Variants in ADRA1B observed in about 807,000 individuals in gnomAD.
ADRA1B encodes adrenoceptor alpha 1B, also known as alpha-1B adrenergic receptor.
A neutral mutation model predicts 17.9 loss-of-function variants in ADRA1B; 17 were observed. The observed-to-expected ratio is 0.95, with a 90% confidence interval of 0.65 to 1.42. ADRA1B has a LOEUF of 1.42. Ranked by LOEUF, ADRA1B falls within the 40% of genes most tolerant of loss-of-function variation. The pLI is 0.00. For missense variants in ADRA1B, 681 were observed against 722.1 expected (o/e 0.94, Z 0.65); for synonymous variants, 366 against 327.6 (o/e 1.12, Z -1.27).
At chr5:159,953,579 AAT>A (rs1755491621) in intron 1 of ADRA1B, among the ~76,000 whole-genome samples, 1 of 152,138 alleles carries the variant, frequency 6.6e-6, no homozygotes, top group Admixed American at 6.5e-5. Context: ...TCGGGCCTCA[AAT>A]TGAAGCCTGT....
chr5:159,882,231 T>C (rs1424958445), intron 1 of ADRA1B, among the ~76,000 whole-genome samples: 2 of 152,178 alleles, frequency 1.3e-5, no homozygotes, highest in Non-Finnish European at 2.9e-5. Context: ...TCTAGCCATG[T>C]AGTCATCAAA....
At chr5:159,933,120 G>A (rs1754859372) in intron 1 of ADRA1B, among the ~76,000 whole-genome samples, 1 of 152,176 alleles carries the variant, frequency 6.6e-6, no homozygotes, top group Non-Finnish European at 1.5e-5. Context: ...ACTAAGAGCT[G>A]TTATCAAACT....
chr5:159,925,304 C>A (rs889413565), intron 1 of ADRA1B, among the ~76,000 whole-genome samples: 7 of 152,178 alleles, frequency 4.6e-5, no homozygotes, highest in Non-Finnish European at 1.0e-4. Context: ...ATAATTGGGT[C>A]GTTCCTCTAG....
intron 1 of ADRA1B, among the ~76,000 whole-genome samples, chr5:159,963,302 A>ATG (rs1279838050): frequency 8.6e-5 from 13 of 150,416 alleles, no homozygotes; most frequent in East Asian, 7.8e-4. Flanking sequence ...ATATATATAT[A>ATG]TATATATCCA....
intron 1 of ADRA1B, among the ~76,000 whole-genome samples, chr5:159,877,193 CT>C (rs1753813093): frequency 6.6e-6 from 1 of 152,172 alleles, no homozygotes; most frequent in African/African-American, 2.4e-5. Context: ...CTGAAAAACA[CT>C]TAGCAAATAA....
the ADRA1B span, among the ~76,000 whole-genome samples, chr5:159,987,182 T>A: frequency 6.6e-6 from 1 of 152,240 alleles, no homozygotes; most frequent in Non-Finnish European, 1.5e-5. Context: ...ATCATGCCTT[T>A]TAAATCACGC....
At chr5:159,907,957 A>G (rs1418138921) in intron 1 of ADRA1B, among the ~76,000 whole-genome samples, 1 of 145,306 alleles carries the variant, frequency 6.9e-6, no homozygotes, top group African/African-American at 2.5e-5. Context: ...TCTCTCTGTC[A>G]CACACACACA....
At chr5:159,910,909 T>C (rs1754220641) in intron 1 of ADRA1B, among the ~76,000 whole-genome samples, 1 of 152,210 alleles carries the variant, frequency 6.6e-6, no homozygotes, top group African/African-American at 2.4e-5. Context: ...CTTTGTCTTT[T>C]GTTTTTTGCA....
the ADRA1B span, among the ~76,000 whole-genome samples, chr5:159,984,160 G>A: frequency 3.3e-4 from 50 of 151,988 alleles, no homozygotes; most frequent in African/African-American, 1.2e-3. Flanking sequence ...AGGTTTCTAG[G>A]ACTCAGTCCT....
chr5:159,957,949 AAAAG>A (rs1561608208), intron 1 of ADRA1B, among the ~76,000 whole-genome samples: 3 of 128,974 alleles, frequency 2.3e-5, no homozygotes, highest in African/African-American at 6.0e-5. Flanking sequence ...AAAAAAAAAA[AAAAG>A]AAAAGAAAAA....
chr5:159,923,800 T>C (rs1754561320), intron 1 of ADRA1B, among the ~76,000 whole-genome samples: 1 of 152,262 alleles, frequency 6.6e-6, no homozygotes, highest in South Asian at 2.1e-4. Flanking sequence ...GATTCTCTCC[T>C]TGTAGTGCCA....
intron 1 of ADRA1B, among the ~76,000 whole-genome samples, chr5:159,931,428 C>T (rs955083132): frequency 1.3e-5 from 2 of 152,026 alleles, no homozygotes; most frequent in East Asian, 1.9e-4. Flanking sequence ...TGACTTCAGC[C>T]CTTTCCTCTG....
intron 1 of ADRA1B, chr5:159,948,562 G>A (rs13160316): frequency 0.14 from 112,543 of 782,134 alleles, 8,425 homozygotes; most frequent in Non-Finnish European, 0.16. Flanking sequence ...AAAAAAGATA[G>A]TAAAAAGCCA....
intron 1 of ADRA1B, among the ~76,000 whole-genome samples, chr5:159,921,530 G>A (rs1287303341): frequency 6.6e-6 from 1 of 152,148 alleles, no homozygotes; most frequent in Non-Finnish European, 1.5e-5. Context: ...GGGAAATTGG[G>A]GGATGCAGGG....
intron 1 of ADRA1B, among the ~76,000 whole-genome samples, chr5:159,907,209 A>G (rs1435264202): frequency 6.6e-6 from 1 of 152,038 alleles, no homozygotes; most frequent in East Asian, 1.9e-4. Context: ...TGCCTGCCAC[A>G]CCCCATTCCC....
chr5:159,963,002 C>T (rs1297807747), intron 1 of ADRA1B, among the ~76,000 whole-genome samples: 4 of 137,210 alleles, frequency 2.9e-5, no homozygotes, highest in Admixed American at 1.6e-4. Context: ...TGGACTCGTG[C>T]GATCCTCCTG....
intron 1 of ADRA1B, among the ~76,000 whole-genome samples, chr5:159,936,638 A>C (rs544492770): frequency 1.7e-4 from 25 of 151,188 alleles, no homozygotes; most frequent in African/African-American, 5.8e-4. Context: ...TTAGCCAAAA[A>C]TTAGTTTATT....
At chr5:159,898,916 G>A (rs907634705) in intron 1 of ADRA1B, among the ~76,000 whole-genome samples, 2 of 152,202 alleles carry the variant, frequency 1.3e-5, no homozygotes, top group Non-Finnish European at 2.9e-5. Flanking sequence ...GGCAGAGGCA[G>A]GAGGATAACT....
intron 1 of ADRA1B, among the ~76,000 whole-genome samples, chr5:159,965,753 GT>G (rs1755764683): frequency 6.6e-6 from 1 of 152,194 alleles, no homozygotes; most frequent in Admixed American, 6.5e-5. Context: ...CCCCGCTGTG[GT>G]GAAAGTCTAG....
Sources: gnomAD v4.1 joint callset for allele counts (sites outside exome capture counted in the v4.1 genomes callset) on GRCh38, gnomAD v4.1.1 for gene constraint, MANE v1.5 for transcripts, NCBI Gene and HGNC (gene_info 2026-07-23, HGNC 2026-07-21) for gene names.